SLC5A12: variants seen among roughly 807,000 people sequenced by gnomAD.
SLC5A12 encodes solute carrier family 5 member 12, also known as sodium-coupled monocarboxylate transporter 2.
Under a neutral mutation model 72.7 loss-of-function variants are expected in SLC5A12, and 46 were observed. The ratio of observed to expected loss-of-function variants is 0.63; its 90% CI spans 0.50 to 0.81. The LOEUF is 0.81. Among genes scored for constraint, SLC5A12 ranks in the 30% least tolerant of loss-of-function variants. SLC5A12 has a pLI of 0.00. For missense variants in SLC5A12, 683 were observed against 740.7 expected, an observed-to-expected ratio of 0.92 and a Z score of 0.90; for synonymous variants, 275 against 264.4, an observed-to-expected ratio of 1.04 and a Z score of -0.39.
At chr11:26,671,737 A>T (rs922774999) in intron 14 of SLC5A12, among the ~76,000 whole-genome samples, 1 of 152,084 alleles carries the variant, frequency 6.6e-6, no homozygotes, top group African/African-American at 2.4e-5. Flanking sequence ...CTTTCAACTT[A>T]TCCTTGAGAA....
chr11:26,673,556 G>C (rs576622732), intron 13 of SLC5A12, 27 bp from the exon 14 acceptor site: 1 of 1,574,192 alleles, frequency 6.4e-7, no homozygotes, highest in African/African-American at 1.4e-5. Flanking sequence ...AAATAGATTA[G>C]ATGGTTGCAG....
At chr11:26,681,316 C>G in intron 11 of SLC5A12, 95 bp from the exon 12 acceptor site, 1 of 1,064,444 alleles carries the variant, frequency 9.4e-7, no homozygotes, top group South Asian at 2.5e-5. Context: ...GAGATTCTGG[C>G]TTTCCATCCC....
At chr11:26,698,658 G>A in intron 6 of SLC5A12, 123 bp from the exon 7 acceptor site, 2 of 845,756 alleles carry the variant, frequency 2.4e-6, no homozygotes, top group Middle Eastern at 2.6e-4. Context: ...AAATTCTATA[G>A]CCTTTAAGAA....
chr11:26,713,649 C>A (rs1209412944), intron 1 of SLC5A12, among the ~76,000 whole-genome samples: 1 of 152,074 alleles, frequency 6.6e-6, no homozygotes, highest in Non-Finnish European at 1.5e-5. Flanking sequence ...TCATGGTTAT[C>A]AGTTGCTATC....
At chr11:26,717,641 G>A (rs1428871808) in intron 1 of SLC5A12, among the ~76,000 whole-genome samples, 1 of 152,104 alleles carries the variant, frequency 6.6e-6, no homozygotes, top group Non-Finnish European at 1.5e-5. Flanking sequence ...GTTGGCTATT[G>A]CTATATAACA....
intron 4 of SLC5A12, among the ~76,000 whole-genome samples, chr11:26,706,252 T>G (rs1352738009): frequency 1.1e-5 from 1 of 89,032 alleles, no homozygotes; most frequent in Non-Finnish European, 2.2e-5. Flanking sequence ...GTAGATTGGA[T>G]TCATAGAATG....
rs1205451643 is a variant in SLC5A12, at chr11:26,683,822, T to C, written c.1243A>G (p.Met415Val). The C allele has an allele frequency of 2.5e-6, 4 of 1,596,996 alleles. No homozygotes were observed. Among genetic ancestry groups the C allele is most frequent in the East Asian group, 4.5e-5 (2 of 44,434 alleles). ...AAGCCCAGCATTGGTCCTCCACACATGCCGTGAATGCTGAGGGAAGCCTGT... is the reference window on the plus strand; with the variant it reads ...AAGCCCAGCATTGGTCCTCCACACACGCCGTGAATGCTGAGGGAAGCCTGT... ...VVQASLSIHG[M>V]CGGPMLGLFS... The change falls in exon 11 of 15, where the codon ATG becomes GTG. Residue 415 changes from methionine (M) to valine (V), a missense_variant. Physicochemically the swap from Met to Val is conservative, Grantham distance 21. Coordinates refer to ENST00000396005, the MANE Select transcript of SLC5A12 (RefSeq NM_178498.4).
intron 8 of SLC5A12, among the ~76,000 whole-genome samples, chr11:26,696,339 A>G (rs888930536): frequency 6.6e-6 from 1 of 152,218 alleles, no homozygotes; most frequent in Non-Finnish European, 1.5e-5. Context: ...ATTTAGAATA[A>G]TGCCCTTATT....
chr11:26,699,037 G>A (rs960879433), intron 6 of SLC5A12, among the ~76,000 whole-genome samples: 2 of 152,142 alleles, frequency 1.3e-5, no homozygotes, highest in African/African-American at 4.8e-5. Flanking sequence ...TTTTTAAAAA[G>A]ACAACAGAAA....
chr11:26,687,752 A>G (rs895644996), intron 9 of SLC5A12, among the ~76,000 whole-genome samples: 2 of 152,198 alleles, frequency 1.3e-5, no homozygotes, highest in Admixed American at 1.3e-4. Context: ...CAACTTCTCA[A>G]TAAGACACAC....
intron 6 of SLC5A12, among the ~76,000 whole-genome samples, chr11:26,699,230 A>G (rs1290434351): frequency 1.3e-5 from 2 of 152,214 alleles, no homozygotes; most frequent in Non-Finnish European, 2.9e-5. Flanking sequence ...AGAGGACATG[A>G]AAGTAGGCTG....
chr11:26,706,410 A>T (rs1855091181), intron 4 of SLC5A12, among the ~76,000 whole-genome samples: 1 of 152,074 alleles, frequency 6.6e-6, no homozygotes, highest in East Asian at 1.9e-4. Flanking sequence ...TGGGAGCAAG[A>T]AGAGGCTGGA....
At chr11:26,707,521 T>C (rs1342510339) in intron 4 of SLC5A12, among the ~76,000 whole-genome samples, 4 of 151,972 alleles carry the variant, frequency 2.6e-5, no homozygotes, top group Non-Finnish European at 4.4e-5. Context: ...TGTCTCTCTG[T>C]TATTCTTTAG....
Position 26,668,089 on chromosome 11 carries a change from T to C in SLC5A12, c.*3013A>G, listed in dbSNP as rs1163236354. 1 of 152,010 alleles carries C rather than the reference T, an allele frequency of 6.6e-6. No individual in the cohort carries two copies. The highest frequency in any genetic ancestry group is 1.5e-5 in the Non-Finnish European group (1 of 67,966). 9.4% of individuals were successfully genotyped at this position (152,010 alleles called of 1,614,324 possible). ...CTATTAATTGGTGAATAAACTAAGA[T>C]TTTAAAATATTGCCCAAAATTACCT... On this transcript the variant is annotated 3_prime_UTR_variant, in exon 15 of 15. Coordinates refer to ENST00000396005, the MANE Select transcript of SLC5A12 (RefSeq NM_178498.4).
At chr11:26,700,885 G>T (rs560717937) in intron 6 of SLC5A12, among the ~76,000 whole-genome samples, 91 of 152,260 alleles carry the variant, frequency 6.0e-4, no homozygotes, top group Middle Eastern at 3.4e-3. Context: ...TCTAACCCAT[G>T]CCCACTTTTA....
intron 9 of SLC5A12, chr11:26,692,106 T>C (rs1854692201): frequency 1.2e-5 from 2 of 169,994 alleles, no homozygotes; most frequent in Admixed American, 5.9e-5. Context: ...CAAACACTAA[T>C]GATAGCTGCT....
At chr11:26,720,599 C>T (rs555420889) in intron 1 of SLC5A12, among the ~76,000 whole-genome samples, 2 of 151,988 alleles carry the variant, frequency 1.3e-5, no homozygotes, top group African/African-American at 4.8e-5. Flanking sequence ...CAGTCTCCTG[C>T]AGTGACTTTA....
At chr11:26,702,160 C>T (rs1854972466) in intron 6 of SLC5A12, among the ~76,000 whole-genome samples, 1 of 152,068 alleles carries the variant, frequency 6.6e-6, no homozygotes, top group Admixed American at 6.6e-5. Context: ...TTTTCAATGA[C>T]ACAGCTATTG....
At chr11:26,691,234 A>C (rs1422827978) in intron 9 of SLC5A12, among the ~76,000 whole-genome samples, 1 of 152,150 alleles carries the variant, frequency 6.6e-6, no homozygotes, top group Non-Finnish European at 1.5e-5. Context: ...ATCTGATGCC[A>C]TTTTGTCCAC....
Sources: gnomAD v4.1 joint callset for allele counts (sites outside exome capture counted in the v4.1 genomes callset) on GRCh38, gnomAD v4.1.1 for gene constraint, MANE v1.5 for transcripts, NCBI Gene and HGNC (gene_info 2026-07-23, HGNC 2026-07-21) for gene names.